Variants in KIAA1328 observed in about 807,000 individuals in gnomAD.
The protein encoded by KIAA1328 is protein hinderin.
A neutral mutation model predicts 68.1 loss-of-function variants in KIAA1328; 52 were observed. That is an observed-to-expected ratio of 0.76 (90% CI 0.61 to 0.96). The LOEUF (loss-of-function observed/expected upper bound fraction) is 0.96. KIAA1328 is among the 40% of genes least tolerant of loss of function. The pLI is 0.00. For missense variants in KIAA1328, 641 were observed against 677.6 expected, an observed-to-expected ratio of 0.95 and a Z score of 0.60; for synonymous variants, 232 against 239.4, an observed-to-expected ratio of 0.97 and a Z score of 0.28.
chr18:36,941,580 CAG>C (rs1415487469), intron 5 of KIAA1328, among the ~76,000 whole-genome samples: 1 of 151,848 alleles, frequency 6.6e-6, no homozygotes, highest in Non-Finnish European at 1.5e-5. Context: ...GGGCGACAGA[CAG>C]AGCAAGACTC....
chr18:36,907,637 T>C (rs1383274591), intron 5 of KIAA1328, among the ~76,000 whole-genome samples: 1 of 152,174 alleles, frequency 6.6e-6, no homozygotes, highest in Admixed American at 6.6e-5. Flanking sequence ...ATGTTATCCT[T>C]TTATGTGTTA....
At chr18:36,974,550 A>C (rs2052384648) in intron 6 of KIAA1328, among the ~76,000 whole-genome samples, 3 of 152,134 alleles carry the variant, frequency 2.0e-5, no homozygotes, top group Admixed American at 2.0e-4. Flanking sequence ...TCATCCATTG[A>C]TAGACATTTA....
intron 6 of KIAA1328, among the ~76,000 whole-genome samples, chr18:36,988,419 C>T (rs914059392): frequency 2.0e-5 from 3 of 152,126 alleles, no homozygotes; most frequent in African/African-American, 7.2e-5. Context: ...CCATCCAGAT[C>T]AATAAACAGA....
intron 7 of KIAA1328, among the ~76,000 whole-genome samples, chr18:37,129,314 C>A (rs1018027798): frequency 1.2e-3 from 185 of 151,826 alleles, no homozygotes; most frequent in Non-Finnish European, 1.9e-3. Flanking sequence ...GAAAAAAAAA[C>A]CACGTGAAAA....
rs141012325 is a variant in KIAA1328 at position 37,116,528 on chromosome 18, T to G, written c.1233-43672T>G. ...AATTAATTCAAGATGGATTAAAGAC[T>G]TAAATGTTAGACCTAACACTATAAA... On this transcript the variant is annotated intron_variant, in intron 7 of 9. Coordinates refer to ENST00000280020, the MANE Select transcript of KIAA1328 (RefSeq NM_020776.3). 7.5e-3 allele frequency among the ~76,000 whole-genome samples: 1,138 copies of G among 152,282 alleles called. 11 individuals are homozygous for G. The highest frequency in any genetic ancestry group is 0.026 in the African/African-American group (1,092 of 41,582).
chr18:36,859,049 G>A (rs1375763828), intron 4 of KIAA1328, among the ~76,000 whole-genome samples: 1 of 151,916 alleles, frequency 6.6e-6, no homozygotes, highest in East Asian at 1.9e-4. Flanking sequence ...AACTTCATGG[G>A]CAATTAAATT....
chr18:37,098,561 T>G (rs1272078690), intron 7 of KIAA1328, among the ~76,000 whole-genome samples: 2 of 152,304 alleles, frequency 1.3e-5, no homozygotes, highest in African/African-American at 4.8e-5. Flanking sequence ...TCTGCCAGGC[T>G]TTGGTACCAG....
At chr18:36,840,085 C>T (rs1354364152) in intron 3 of KIAA1328, among the ~76,000 whole-genome samples, 1 of 152,128 alleles carries the variant, frequency 6.6e-6, no homozygotes, top group African/African-American at 2.4e-5. Flanking sequence ...TTCCTGGACT[C>T]CCAGCTGTAT....
At chr18:36,943,788 CTAACT>C (rs1195493720) in intron 5 of KIAA1328, among the ~76,000 whole-genome samples, 1 of 152,080 alleles carries the variant, frequency 6.6e-6, no homozygotes, top group Non-Finnish European at 1.5e-5. Context: ...ATAGGTTATC[CTAACT>C]TAATTCATTT....
intron 9 of KIAA1328, among the ~76,000 whole-genome samples, chr18:37,192,231 GGTT>G (rs2059920120): frequency 6.6e-6 from 1 of 151,582 alleles, no homozygotes. Context: ...TTGTCTGCTG[GGTT>G]GTTCTCTGTG....
chr18:37,040,010 G>A (rs1025353124), intron 6 of KIAA1328, among the ~76,000 whole-genome samples: 2 of 152,220 alleles, frequency 1.3e-5, no homozygotes, highest in South Asian at 2.1e-4. Flanking sequence ...CATCTTAATA[G>A]AGGCTGCACA....
At chr18:37,119,216 C>T (rs1426378949) in intron 7 of KIAA1328, among the ~76,000 whole-genome samples, 2 of 152,242 alleles carry the variant, frequency 1.3e-5, no homozygotes, top group East Asian at 1.9e-4. Flanking sequence ...GTGATAGCTA[C>T]AGCCTATCAG....
At position 36,928,450 on chromosome 18, in the gene KIAA1328, TC is replaced by T. The variant is rs530333743; in HGVS notation, c.449-30857del. On this transcript the variant is annotated intron_variant, in intron 5 of 9. Transcript: ENST00000280020. ...TGAAAATAATTGTACCTCTGGGTTT[TC>T]GTGACACTTAGAACAGTGTCTGGTA... Among the ~76,000 whole-genome samples the T allele has an allele frequency of 2.8e-3, 424 of 152,330 alleles. 1 individual carries two copies. Among genetic ancestry groups the T allele is most frequent in the Admixed American group, 6.3e-3 (97 of 15,304 alleles).
intron 6 of KIAA1328, among the ~76,000 whole-genome samples, chr18:37,032,192 T>C (rs1411822444): frequency 1.3e-5 from 2 of 151,954 alleles, no homozygotes; most frequent in Non-Finnish European, 2.9e-5. Flanking sequence ...AAACAAAAAG[T>C]CTACTTTCAA....
intron 2 of KIAA1328, 54 bp from the exon 3 acceptor site, chr18:36,835,180 G>A: frequency 6.7e-7 from 1 of 1,499,684 alleles, no homozygotes; most frequent in African/African-American, 1.4e-5. Flanking sequence ...TGATGGGGGA[G>A]GGTTTAAGAT....
rs3747895 is a variant in KIAA1328 at position 37,067,213 on chromosome 18, T to C, written c.900T>C (p.Pro300=). The C allele has an allele frequency of 0.16, 259,080 of 1,613,786 alleles. 28,883 individuals are homozygous for C. The highest frequency in any genetic ancestry group is 0.59 in the African/African-American group (44,540 of 74,924). Residue 300 remains proline, a synonymous_variant, in exon 7 of 10, where the codon CCT becomes CCC. Coordinates refer to ENST00000280020, the MANE Select transcript of KIAA1328 (RefSeq NM_020776.3). ...TGAAGGAATGTCCACATCTTAAGCC[T>C]ACTCCTAGTCAATGCTGTGGTCATA... ...LHMKECPHLK[P]TPSQCCGHRL... is the part of the protein sequence containing the mutation.
At chr18:37,021,452 A>G (rs2054343309) in intron 6 of KIAA1328, among the ~76,000 whole-genome samples, 1 of 152,184 alleles carries the variant, frequency 6.6e-6, no homozygotes, top group African/African-American at 2.4e-5. Flanking sequence ...AATGAAACCT[A>G]TTGTATGAGA....
intron 7 of KIAA1328, among the ~76,000 whole-genome samples, chr18:37,077,031 A>G (rs2056763980): frequency 6.6e-6 from 1 of 152,068 alleles, no homozygotes; most frequent in South Asian, 2.1e-4. Flanking sequence ...GACACAACCA[A>G]AAAAGAGAAT....
At chr18:37,119,980 A>G (rs560403457) in intron 7 of KIAA1328, among the ~76,000 whole-genome samples, 1 of 152,252 alleles carries the variant, frequency 6.6e-6, no homozygotes, top group South Asian at 2.1e-4. Context: ...TAAAAATGTC[A>G]TTAGTTTTGA....
Sources: gnomAD v4.1 joint callset for allele counts (sites outside exome capture counted in the v4.1 genomes callset) on GRCh38, gnomAD v4.1.1 for gene constraint, MANE v1.5 for transcripts, NCBI Gene and HGNC (gene_info 2026-07-23, HGNC 2026-07-21) for gene names.